The following PPA2 variants were observed in gnomAD, a reference collection of about 807,000 sequenced individuals.
The protein encoded by PPA2 is inorganic pyrophosphatase 2, mitochondrial.
A neutral mutation model predicts 49.5 loss-of-function variants in PPA2; 48 were observed. That is an observed-to-expected ratio of 0.97 (90% CI 0.77 to 1.23). PPA2 has a LOEUF of 1.23. PPA2 is among the 50% of genes most tolerant of loss of function. PPA2 has a pLI of 0.00. For synonymous variants in PPA2, 131 were observed against 139.9 expected (o/e 0.94, Z 0.45); for missense variants, 429 against 410.1 (o/e 1.05, Z -0.40).
At chr4:105,453,452 G>T in intron 3 of PPA2, 146 bp downstream of exon 3, 1 of 529,052 alleles carries the variant, frequency 1.9e-6, no homozygotes, top group Non-Finnish European at 3.3e-6. Context: ...AGCTGCCCTA[G>T]CTGCCTTAAA....
At chr4:105,456,031 C>T (rs755856730) in intron 2 of PPA2, 2 of 328,656 alleles carry the variant, frequency 6.1e-6, no homozygotes, top group Non-Finnish European at 1.2e-5. Context: ...TGAGAGATCT[C>T]GAAACACCCC....
chr4:105,375,791 T>C (rs1733226536), intron 10 of PPA2, among the ~76,000 whole-genome samples: 1 of 152,130 alleles, frequency 6.6e-6, no homozygotes, highest in African/African-American at 2.4e-5. Flanking sequence ...ATAAAGGAGA[T>C]GCCCAAAGGA....
intron 9 of PPA2, among the ~76,000 whole-genome samples, chr4:105,395,557 T>C (rs1017562763): frequency 7.2e-5 from 11 of 152,144 alleles, no homozygotes. Flanking sequence ...AAGTAGGTTA[T>C]AAAACTAACG....
At chr4:105,453,528 C>A in intron 3 of PPA2, 70 bp downstream of exon 3, 1 of 1,179,794 alleles carries the variant, frequency 8.5e-7, no homozygotes, top group Non-Finnish European at 1.2e-6. Context: ...TTTACAAATG[C>A]AAACTATCAT....
intron 1 of PPA2, among the ~76,000 whole-genome samples, chr4:105,471,756 C>G (rs1447564495): frequency 6.6e-6 from 1 of 152,156 alleles, no homozygotes; most frequent in African/African-American, 2.4e-5. Context: ...ACAGTCCTGG[C>G]CAGTGATGCC....
intron 2 of PPA2, among the ~76,000 whole-genome samples, chr4:105,454,612 G>A (rs1489072242): frequency 2.0e-5 from 3 of 152,118 alleles, no homozygotes; most frequent in African/African-American, 7.2e-5. Flanking sequence ...GGGATTACAG[G>A]CAAGAGCCAC....
rs998720705 is a variant in PPA2 at position 105,472,708 on chromosome 4, T to C, written c.157+1186A>G. On this transcript the variant is annotated intron_variant, in intron 1 of 11. Coordinates refer to ENST00000341695, the MANE Select transcript of PPA2 (RefSeq NM_176869.3). ...AAGAAAATAGAAATTCTAGTACTAGTTGCATTATAATCACACGACTTTAGG... is the reference window on the plus strand; with the variant it reads ...AAGAAAATAGAAATTCTAGTACTAGCTGCATTATAATCACACGACTTTAGG... Among the ~76,000 whole-genome samples the C allele has an allele frequency of 7.9e-5, 12 of 152,126 alleles. 1 individual carries two copies. The highest frequency in any genetic ancestry group is 4.1e-4 in the South Asian group (2 of 4,822).
At chr4:105,414,248 T>C (rs1722898178) in intron 7 of PPA2, among the ~76,000 whole-genome samples, 1 of 152,252 alleles carries the variant, frequency 6.6e-6, no homozygotes, top group South Asian at 2.1e-4. Flanking sequence ...GGCAATTTGA[T>C]AATATCTAGT....
chr4:105,473,854 C>A (rs1433975162), intron 1 of PPA2, 40 bp downstream of exon 1: 1 of 1,570,702 alleles, frequency 6.4e-7, no homozygotes, highest in Non-Finnish European at 8.7e-7. Flanking sequence ...ACCCAGGTTT[C>A]TCCGGTGCGC....
At chr4:105,432,718 T>C (rs1312111143) in intron 6 of PPA2, among the ~76,000 whole-genome samples, 1 of 152,162 alleles carries the variant, frequency 6.6e-6, no homozygotes, top group African/African-American at 2.4e-5. Context: ...TGAGATTTTA[T>C]TTATTTATTT....
At chr4:105,444,236 T>C (rs973090462) in intron 5 of PPA2, among the ~76,000 whole-genome samples, 1 of 152,104 alleles carries the variant, frequency 6.6e-6, no homozygotes, top group Admixed American at 6.5e-5. Flanking sequence ...GAAGAAGACT[T>C]TGTGGTGGAT....
At chr4:105,432,220 A>G (rs1723839260) in intron 6 of PPA2, among the ~76,000 whole-genome samples, 1 of 152,234 alleles carries the variant, frequency 6.6e-6, no homozygotes, top group Non-Finnish European at 1.5e-5. Flanking sequence ...CTATGTTATC[A>G]TTAAGTGAAT....
chr4:105,416,209 C>T (rs887095289), intron 7 of PPA2, among the ~76,000 whole-genome samples: 21 of 152,210 alleles, frequency 1.4e-4, no homozygotes, highest in Middle Eastern at 3.4e-3. Context: ...AATGTTAGGA[C>T]GAAAAAACAT....
At chr4:105,372,056 C>T (rs1429047595) in intron 10 of PPA2, among the ~76,000 whole-genome samples, 1 of 152,174 alleles carries the variant, frequency 6.6e-6, no homozygotes, top group Non-Finnish European at 1.5e-5. Context: ...GTACAAAGTC[C>T]ATAGAGTCAG....
In PPA2 at chr4:105,400,262, C is replaced by T. The variant is rs531979713; in HGVS notation, c.656-1098G>A. On this transcript the variant is annotated intron_variant, in intron 7 of 11. Transcript: ENST00000341695. ...ATTAATTAATATTGAGTTCCTTGAA[C>T]GAACGGTTTTCTTATTCAGAGGGGA... Among the ~76,000 whole-genome samples the T allele has an allele frequency of 5.9e-5, 9 of 151,614 alleles. No homozygotes were observed. In the South Asian group the frequency reaches 1.0e-3, roughly 18 times the overall value.
intron 9 of PPA2, among the ~76,000 whole-genome samples, chr4:105,393,492 A>G (rs1560609816): frequency 1.2e-4 from 1 of 8,248 alleles, no homozygotes; most frequent in Non-Finnish European, 3.7e-4. Flanking sequence ...TCAAAATAAT[A>G]ATAATAATAA....
intron 7 of PPA2, chr4:105,405,536 T>C (rs1272577095): frequency 7.5e-6 from 7 of 928,150 alleles, no homozygotes; most frequent in Non-Finnish European, 9.0e-6. Context: ...TTGAGTGAAG[T>C]ACTTATAAAT....
intron 7 of PPA2, 61 bp from the exon 8 acceptor site, chr4:105,399,225 C>T: frequency 1.3e-6 from 2 of 1,516,026 alleles, no homozygotes; most frequent in Non-Finnish European, 1.8e-6. Context: ...CCTTTAGTGG[C>T]AGAGCATTGG....
At chr4:105,446,005 A>G (rs1300329714) in intron 5 of PPA2, among the ~76,000 whole-genome samples, 1 of 152,156 alleles carries the variant, frequency 6.6e-6, no homozygotes, top group African/African-American at 2.4e-5. Context: ...TTTAAAATAT[A>G]AAATTTGTGC....
Sources: allele counts gnomAD v4.1 joint callset (sites outside exome capture counted in the v4.1 genomes callset), GRCh38; gene constraint gnomAD v4.1.1; transcripts MANE v1.5; gene names NCBI Gene and HGNC (gene_info 2026-07-23, HGNC 2026-07-21).